Variants in TMEM132D observed in about 807,000 individuals in gnomAD.
The protein encoded by TMEM132D is transmembrane protein 132D, also known as mature OL transmembrane protein.
A neutral mutation model predicts 62.3 loss-of-function variants in TMEM132D; 21 were observed. That is an observed-to-expected ratio of 0.34 (90% CI 0.24 to 0.49). The LOEUF (loss-of-function observed/expected upper bound fraction) is 0.49. Among genes scored for constraint, TMEM132D ranks in the 20% least tolerant of loss-of-function variants. TMEM132D has a pLI of 0.99. For synonymous variants in TMEM132D, 621 were observed against 575.6 expected (o/e 1.08, Z -1.13); for missense variants, 1,346 against 1,402.8 (o/e 0.96, Z 0.65).
chr12:129,338,829 C>T (rs1869373873), intron 3 of TMEM132D, among the ~76,000 whole-genome samples: 1 of 152,198 alleles, frequency 6.6e-6, no homozygotes, highest in Non-Finnish European at 1.5e-5. Flanking sequence ...CACCGTCAAT[C>T]TCACCCAAGT....
At chr12:129,338,758 G>A (rs771180616) in intron 3 of TMEM132D, among the ~76,000 whole-genome samples, 1 of 152,188 alleles carries the variant, frequency 6.6e-6, no homozygotes, top group Non-Finnish European at 1.5e-5. Context: ...ACTGAACTCT[G>A]ACATGTAGGA....
At chr12:129,647,405 A>G (rs1023641375) in intron 2 of TMEM132D, among the ~76,000 whole-genome samples, 16 of 151,974 alleles carry the variant, frequency 1.1e-4, no homozygotes, top group Non-Finnish European at 2.1e-4. Flanking sequence ...CCTCACGACA[A>G]TCAGTGAATG....
chr12:129,273,522 C>T (rs1048300912), intron 4 of TMEM132D, among the ~76,000 whole-genome samples: 5 of 151,238 alleles, frequency 3.3e-5, no homozygotes, highest in Admixed American at 2.0e-4. Flanking sequence ...AACCTAGGTG[C>T]CCAGCCATGG....
chr12:129,739,907 C>T (rs1565968719), intron 1 of TMEM132D, among the ~76,000 whole-genome samples: 1 of 152,204 alleles, frequency 6.6e-6, no homozygotes, highest in African/African-American at 2.4e-5. Flanking sequence ...CTACTTTTCT[C>T]CTGGGCCTTC....
intron 3 of TMEM132D, among the ~76,000 whole-genome samples, chr12:129,466,298 T>G (rs1334353995): frequency 0.014 from 112 of 7,888 alleles, 17 homozygotes; most frequent in African/African-American, 0.022. Flanking sequence ...TTTTTTTTTT[T>G]TTTTTTTTTT....
intron 5 of TMEM132D, among the ~76,000 whole-genome samples, chr12:129,142,434 GCTTTATATC>G (rs1565977046): frequency 6.6e-6 from 1 of 152,086 alleles, no homozygotes; most frequent in South Asian, 2.1e-4. Flanking sequence ...CTATGGGCTG[GCTTTATATC>G]CTTTATATCC....
intron 5 of TMEM132D, among the ~76,000 whole-genome samples, chr12:129,130,361 G>A (rs559267679): frequency 1.5e-4 from 23 of 152,114 alleles, no homozygotes; most frequent in African/African-American, 5.3e-4. Context: ...CAGGACTTGC[G>A]GAATCCTTGC....
intron 4 of TMEM132D, among the ~76,000 whole-genome samples, chr12:129,299,303 G>A (rs1033624805): frequency 1.3e-5 from 2 of 152,120 alleles, no homozygotes; most frequent in African/African-American, 2.4e-5. Flanking sequence ...TGTGAGAAGA[G>A]CAAAACTGGT....
At chr12:129,840,056 G>A (rs1202031392) in intron 1 of TMEM132D, 2 of 152,150 alleles carry the variant, frequency 1.3e-5, no homozygotes, top group African/African-American at 4.8e-5. Context: ...TTACACCTAT[G>A]AATGTACTAA....
chr12:129,881,069 T>C (rs1874577027), intron 1 of TMEM132D, among the ~76,000 whole-genome samples: 2 of 152,056 alleles, frequency 1.3e-5, no homozygotes, highest in South Asian at 4.1e-4. Context: ...ATTAATAATA[T>C]AAGAAAAATA....
At chr12:129,838,558 G>T (rs1490328808) in intron 1 of TMEM132D, among the ~76,000 whole-genome samples, 1 of 152,172 alleles carries the variant, frequency 6.6e-6, no homozygotes, top group Non-Finnish European at 1.5e-5. Context: ...CACAGATGTG[G>T]CTCTGTAACT....
At chr12:129,375,352 T>C (rs1486967853) in intron 3 of TMEM132D, among the ~76,000 whole-genome samples, 1 of 152,186 alleles carries the variant, frequency 6.6e-6, no homozygotes, top group Non-Finnish European at 1.5e-5. Flanking sequence ...GCAGACAAAA[T>C]TCGTGTTTAG....
In TMEM132D at chr12:129,288,847, G is replaced by T. The variant is rs184954910; in HGVS notation, c.1299+48787C>A. Among the ~76,000 whole-genome samples, 315 of 152,346 alleles carry T rather than the reference G, an allele frequency of 2.1e-3. 4 individuals carry two copies. The South Asian group carries it at 0.039, about 19-fold the overall frequency. On this transcript the variant is annotated intron_variant, in intron 4 of 8. Transcript: ENST00000422113. The stretch of plus-strand genomic sequence containing the variant: ...ACAACCTAAATGTCCATCAGTGAAT[G>T]AGTAGATGAAGAAAGATTAGTACAT...
chr12:129,799,644 T>C (rs896280631), intron 1 of TMEM132D, among the ~76,000 whole-genome samples: 1 of 152,066 alleles, frequency 6.6e-6, no homozygotes, highest in African/African-American at 2.4e-5. Context: ...CTCTCACACT[T>C]GCGCACTTCA....
At chr12:129,849,875 TGCGTG>T (rs1379819919) in intron 1 of TMEM132D, among the ~76,000 whole-genome samples, 2 of 152,228 alleles carry the variant, frequency 1.3e-5, no homozygotes, top group Non-Finnish European at 2.9e-5. Context: ...ATCTTGGTGC[TGCGTG>T]ACCCCTGAAT....
intron 5 of TMEM132D, among the ~76,000 whole-genome samples, chr12:129,180,507 G>C (rs1361304578): frequency 6.6e-6 from 1 of 152,140 alleles, no homozygotes; most frequent in Non-Finnish European, 1.5e-5. Context: ...CAGGGTTCTA[G>C]CCATCAAGAA....
At chr12:129,805,682 A>G (rs1216444609) in intron 1 of TMEM132D, among the ~76,000 whole-genome samples, 1 of 151,932 alleles carries the variant, frequency 6.6e-6, no homozygotes, top group Admixed American at 6.6e-5. Context: ...AAAAGACAGA[A>G]TTGACAAATG....
chr12:129,149,718 CCTCA>C (rs1176443297), intron 5 of TMEM132D, among the ~76,000 whole-genome samples: 1 of 152,176 alleles, frequency 6.6e-6, no homozygotes, highest in Non-Finnish European at 1.5e-5. Context: ...TTCAATCCTG[CCTCA>C]CTCACTCCAA....
chr12:129,235,156 T>C (rs1879745053), intron 4 of TMEM132D, among the ~76,000 whole-genome samples: 1 of 152,204 alleles, frequency 6.6e-6, no homozygotes, highest in Non-Finnish European at 1.5e-5. Flanking sequence ...CATAACTGCT[T>C]TATTCAGGTA....
Sources: allele counts gnomAD v4.1 joint callset (sites outside exome capture counted in the v4.1 genomes callset), GRCh38; gene constraint gnomAD v4.1.1; transcripts MANE v1.5; gene names NCBI Gene and HGNC (gene_info 2026-07-23, HGNC 2026-07-21).